Variants in PTPRQ observed in about 807,000 individuals in gnomAD.
PTPRQ encodes the protein phosphatidylinositol phosphatase PTPRQ.
Under a neutral mutation model 246.0 loss-of-function variants are expected in PTPRQ, and 199 were observed. The ratio of observed to expected loss-of-function variants is 0.81; its 90% CI spans 0.72 to 0.91. The LOEUF (loss-of-function observed/expected upper bound fraction) is 0.91, where lower values mean the gene tolerates loss of function less well. Ranked by LOEUF, PTPRQ falls within the 40% of genes least tolerant of loss-of-function variation. PTPRQ has a pLI of 0.00. For synonymous variants in PTPRQ, 869 were observed against 853.2 expected (o/e 1.02, Z -0.32); for missense variants, 2,624 against 2,528.4 (o/e 1.04, Z -0.81).
rs1445005033 is a variant in PTPRQ at position 80,673,435 on chromosome 12, T to C, written c.6738+131T>C. On this transcript the variant is annotated intron_variant, in intron 43 of 44. Transcript: ENST00000644991. ...TTCTTTTCCTACATTATAAGCCTTTTGGGGAGGATTCGGGAGGGCAGCTGA... is the reference window on the plus strand; with the variant it reads ...TTCTTTTCCTACATTATAAGCCTTTCGGGGAGGATTCGGGAGGGCAGCTGA... 4 of 1,373,100 alleles carry C rather than the reference T, an allele frequency of 2.9e-6. No homozygotes were observed. In the African/African-American group the frequency reaches 4.5e-5, roughly 15 times the overall value. The allele number at this position is 1,373,100 out of a possible 1,614,324, so 85.1% of individuals were successfully genotyped here.
chr12:80,554,351 C>A (rs1896582003), intron 25 of PTPRQ, among the ~76,000 whole-genome samples: 1 of 151,980 alleles, frequency 6.6e-6, no homozygotes, highest in South Asian at 2.1e-4. Flanking sequence ...CTACTATGTA[C>A]CCATAAAAAC....
intron 8 of PTPRQ, among the ~76,000 whole-genome samples, chr12:80,482,664 C>G (rs1894112157): frequency 6.6e-6 from 1 of 151,250 alleles, no homozygotes; most frequent in Admixed American, 6.6e-5. Flanking sequence ...GCAATGAACT[C>G]AAACAAATTT....
At chr12:80,580,012 T>C (rs1253065906) in intron 25 of PTPRQ, among the ~76,000 whole-genome samples, 2 of 152,158 alleles carry the variant, frequency 1.3e-5, no homozygotes, top group Non-Finnish European at 2.9e-5. Context: ...TCCAACTTAG[T>C]GTACTTATCC....
At chr12:80,549,317 A>G (rs1439534857) in intron 24 of PTPRQ, 148 bp from the exon 25 acceptor site, 3 of 980,060 alleles carry the variant, frequency 3.1e-6, no homozygotes, top group African/African-American at 3.3e-5. Context: ...GTCTATGTTA[A>G]TGACTTTTTA....
Position 80,495,260 on chromosome 12 carries a change from C to T in PTPRQ, c.1771C>T (p.Pro591Ser). 6.5e-7 allele frequency: 1 copy of T among 1,544,446 alleles called. No individual in the cohort carries two copies. The highest frequency in any genetic ancestry group is 8.7e-7 in the Non-Finnish European group (1 of 1,144,510). ...TTCATCTATTTTGTTATATTGGGATCCTCCAGAATATCCCAATGGAAAAAT... is the reference window on the plus strand; with the variant it reads ...TTCATCTATTTTGTTATATTGGGATTCTCCAGAATATCCCAATGGAAAAAT... ...SSSSILLYWD[P>S]PEYPNGKITH... Residue 591 changes from proline (P) to serine (S), a missense_variant, in exon 12 of 45, where the codon CCT becomes TCT. Transcript: ENST00000644991.
At chr12:80,660,984 T>C (rs1156284795) in intron 39 of PTPRQ, among the ~76,000 whole-genome samples, 1 of 145,160 alleles carries the variant, frequency 6.9e-6, no homozygotes, top group Admixed American at 6.9e-5. Context: ...AGGATAAGCA[T>C]GTATATTTCC....
At chr12:80,448,078 G>A (rs1280101635) in intron 3 of PTPRQ, among the ~76,000 whole-genome samples, 1 of 151,940 alleles carries the variant, frequency 6.6e-6, no homozygotes, top group Non-Finnish European at 1.5e-5. Context: ...TGAGTGTCTT[G>A]TAGTTCTCCT....
chr12:80,609,002 A>C (rs1474055456), intron 27 of PTPRQ, among the ~76,000 whole-genome samples: 1 of 150,704 alleles, frequency 6.6e-6, no homozygotes. Context: ...GATCAATAGG[A>C]TTTCTACGCT....
chr12:80,640,798 C>T (rs1899828512), intron 35 of PTPRQ, among the ~76,000 whole-genome samples: 1 of 152,100 alleles, frequency 6.6e-6, no homozygotes, highest in Non-Finnish European at 1.5e-5. Context: ...ATATTGCATG[C>T]TATTGATAAT....
chr12:80,506,261 C>A, intron 15 of PTPRQ, 55 bp downstream of exon 15: 1 of 1,390,256 alleles, frequency 7.2e-7, no homozygotes, highest in East Asian at 2.6e-5. Context: ...AGAGTAGCCA[C>A]AAATATTAGT....
intron 42 of PTPRQ, among the ~76,000 whole-genome samples, chr12:80,671,190 G>A (rs181571107): frequency 8.5e-4 from 129 of 151,852 alleles, no homozygotes; most frequent in African/African-American, 2.7e-3. Context: ...AGACTAATAC[G>A]TAAATGCTTG....
chr12:80,458,255 C>T (rs1893040319), intron 4 of PTPRQ, among the ~76,000 whole-genome samples: 1 of 152,116 alleles, frequency 6.6e-6, no homozygotes, highest in South Asian at 2.1e-4. Flanking sequence ...CCAGCACAAT[C>T]ATCAAAGTGT....
At chr12:80,571,660 T>C (rs1026510790) in intron 25 of PTPRQ, among the ~76,000 whole-genome samples, 13 of 152,216 alleles carry the variant, frequency 8.5e-5, no homozygotes, top group African/African-American at 3.1e-4. Flanking sequence ...TTTTAACTTA[T>C]ACATTTATAT....
chr12:80,451,243 A>G (rs1449293122), intron 3 of PTPRQ, among the ~76,000 whole-genome samples: 1 of 146,650 alleles, frequency 6.8e-6, no homozygotes, highest in African/African-American at 2.5e-5. Flanking sequence ...ATCATTTTTT[A>G]TTGCATCTAT....
chr12:80,465,904 G>A (rs977883305), intron 6 of PTPRQ, among the ~76,000 whole-genome samples: 6 of 152,092 alleles, frequency 3.9e-5, no homozygotes, highest in Non-Finnish European at 7.3e-5. Context: ...ATATCATACT[G>A]AATGGGCAAA....
intron 8 of PTPRQ, among the ~76,000 whole-genome samples, chr12:80,473,022 T>TACAC (rs371484292): frequency 0.015 from 1,886 of 129,150 alleles, 52 homozygotes; most frequent in African/African-American, 0.05. Flanking sequence ...TAGACATGTA[T>TACAC]ACACACACAC....
chr12:80,472,701 G>C (rs538310573), intron 8 of PTPRQ, among the ~76,000 whole-genome samples: 14 of 152,092 alleles, frequency 9.2e-5, no homozygotes, highest in Non-Finnish European at 1.8e-4. Context: ...ATTCTGAGTG[G>C]ATGTATGATA....
intron 17 of PTPRQ, among the ~76,000 whole-genome samples, chr12:80,513,465 C>T (rs761171532): frequency 3.7e-4 from 57 of 152,268 alleles, no homozygotes; most frequent in Admixed American, 7.2e-4. Flanking sequence ...TTCCTGTCAA[C>T]GTCCAGCCGC....
At chr12:80,646,907 T>C (rs1900095193) in intron 35 of PTPRQ, among the ~76,000 whole-genome samples, 1 of 152,194 alleles carries the variant, frequency 6.6e-6, no homozygotes, top group Non-Finnish European at 1.5e-5. Flanking sequence ...AAATGAAGAA[T>C]AGAGATGATT....
Sources: gnomAD v4.1 joint callset for allele counts (sites outside exome capture counted in the v4.1 genomes callset) on GRCh38, gnomAD v4.1.1 for gene constraint, MANE v1.5 for transcripts, NCBI Gene and HGNC (gene_info 2026-07-23, HGNC 2026-07-21) for gene names.